ARIH2: variants seen among roughly 807,000 people sequenced by gnomAD.
ARIH2 encodes ariadne RBR E3 ubiquitin protein ligase 2.
ARIH2 carries 12 observed loss-of-function variants against 79.8 expected under a neutral mutation model. The ratio of observed to expected loss-of-function variants is 0.15; its 90% CI spans 0.10 to 0.24. The LOEUF is 0.24. Ranked by LOEUF, ARIH2 falls within the 10% of genes least tolerant of loss-of-function variation. The probability of loss-of-function intolerance (pLI) is 1.00; values close to 1 mark genes in which losing one functional copy is unlikely to be tolerated. For synonymous variants in ARIH2, 224 were observed against 213.9 expected, an observed-to-expected ratio of 1.05 and a Z score of -0.41; for missense variants, 301 against 618.3, an observed-to-expected ratio of 0.49 and a Z score of 5.44.
In ARIH2 at chr3:48,953,221, C is replaced by T. The variant is rs1027331827; in HGVS notation, c.256-8391C>T. Among the ~76,000 whole-genome samples the T allele has an allele frequency of 2.6e-5, 4 of 152,124 alleles. No homozygotes were observed. The East Asian group carries it at 7.7e-4, about 29-fold the overall frequency. On this transcript the variant is annotated intron_variant, in intron 3 of 15. Transcript: ENST00000356401. ...CTGGCATTACAGGTGTAAGCCACCG[C>T]GCCTGGCCAGCAATTCTGAGTAGAT...
intron 3 of ARIH2, among the ~76,000 whole-genome samples, chr3:48,938,543 T>G (rs1214633896): frequency 2.6e-5 from 4 of 151,620 alleles, no homozygotes; most frequent in African/African-American, 7.3e-5. Context: ...TTCTAGAAAA[T>G]GCAAACTAAT....
intron 3 of ARIH2, among the ~76,000 whole-genome samples, chr3:48,941,926 C>T (rs1289009500): frequency 6.6e-6 from 1 of 151,770 alleles, no homozygotes; most frequent in Non-Finnish European, 1.5e-5. Flanking sequence ...CATTCTGTCA[C>T]CCAGGCTAGA....
Position 48,918,943 on chromosome 3 carries a change from C to A in ARIH2, c.-217C>A, listed in dbSNP as rs767060066. On this transcript the variant is annotated 5_prime_UTR_variant, in exon 1 of 16. Transcript: ENST00000356401. Reference sequence around the variant, plus strand: ...TCGCCCCAATCCGGTCCCTCTGGCCCGGCCTGACCCGGTCTGGCTTGTTCG... The same window carrying A: ...TCGCCCCAATCCGGTCCCTCTGGCCAGGCCTGACCCGGTCTGGCTTGTTCG... The A allele has an allele frequency of 1.9e-6, 3 of 1,560,836 alleles. No homozygotes were observed. Among genetic ancestry groups the A allele is most frequent in the East Asian group, 4.5e-5 (2 of 43,992 alleles).
At chr3:48,926,876 C>T (rs2085694057) in intron 2 of ARIH2, 3 of 152,586 alleles carry the variant, frequency 2.0e-5, no homozygotes, top group Admixed American at 2.0e-4. Context: ...CCTGAAAAAT[C>T]AGTCAACTTT....
chr3:48,920,495 T>TC (rs1189936499), intron 1 of ARIH2, among the ~76,000 whole-genome samples: 680 of 59,346 alleles, frequency 0.011, 179 homozygotes, highest in African/African-American at 0.042. Flanking sequence ...GCAATTTCTT[T>TC]TTTTTTTTTT....
intron 7 of ARIH2, among the ~76,000 whole-genome samples, chr3:48,970,191 C>CTTGT (rs10675648): frequency 4.8e-4 from 73 of 151,646 alleles, no homozygotes; most frequent in African/African-American, 1.7e-3. Flanking sequence ...CGCGCCCGGC[C>CTTGT]TTGTTATTTT....
chr3:48,965,406 C>T (rs1236440267), intron 5 of ARIH2, among the ~76,000 whole-genome samples: 2 of 152,078 alleles, frequency 1.3e-5, no homozygotes, highest in African/African-American at 4.8e-5. Flanking sequence ...TCAACATGCC[C>T]ACAATATTTG....
chr3:48,968,514 A>G lies in ARIH2; in HGVS notation c.539-20A>G. On this transcript the variant is annotated intron_variant, in intron 6 of 15. Transcript: ENST00000356401. ...ATGAGCTATCGCACCTGGCCCCATC[A>G]GGTTGTTTTTGTTCAACAGGAGTCT... 4 of 1,602,504 alleles carry G rather than the reference A, an allele frequency of 2.5e-6. No homozygotes were observed. Among genetic ancestry groups the G allele is most frequent in the Non-Finnish European group, 3.4e-6 (4 of 1,172,242 alleles).
intron 3 of ARIH2, among the ~76,000 whole-genome samples, chr3:48,941,755 G>T (rs1258353274): frequency 6.6e-6 from 1 of 151,570 alleles, no homozygotes; most frequent in Non-Finnish European, 1.5e-5. Context: ...ACCACGCCCG[G>T]CTAATTTTTT....
In ARIH2 at chr3:48,950,942, TTTC is replaced by T. The variant is rs200099719; in HGVS notation, c.256-10661_256-10659del. Among the ~76,000 whole-genome samples the T allele has an allele frequency of 9.8e-3, 1,477 of 151,372 alleles. 22 individuals are homozygous for T. Among genetic ancestry groups the T allele is most frequent in the African/African-American group, 0.034 (1,393 of 41,156 alleles). On this transcript the variant is annotated intron_variant, in intron 3 of 15. Transcript: ENST00000356401. Reference sequence around the variant, plus strand: ...TTGTATATATTGACTTTGTATTTTCTTTCTTCTTCTTTTTTTTTTTTTTTTTAA... The same window carrying T: ...TTGTATATATTGACTTTGTATTTTCTTTCTTCTTTTTTTTTTTTTTTTTAA...
intron 1 of ARIH2, among the ~76,000 whole-genome samples, chr3:48,920,708 C>G (rs1393126078): frequency 1.4e-5 from 1 of 70,092 alleles, no homozygotes; most frequent in African/African-American, 4.5e-5. Context: ...CTCAAATAAT[C>G]CTCCTCACTT....
intron 2 of ARIH2, among the ~76,000 whole-genome samples, chr3:48,924,319 CTTTTT>C (rs928407059): frequency 1.4e-5 from 2 of 145,940 alleles, no homozygotes; most frequent in African/African-American, 5.0e-5. Context: ...GTACGTGGGC[CTTTTT>C]TTTTTAAGTA....
chr3:48,969,246 A>G (rs944919540), intron 7 of ARIH2, among the ~76,000 whole-genome samples: 3 of 149,992 alleles, frequency 2.0e-5, no homozygotes, highest in Non-Finnish European at 4.4e-5. Context: ...CCCACCTTAT[A>G]CATAGTTGCT....
At chr3:48,966,262 T>C (rs572610986) in intron 5 of ARIH2, among the ~76,000 whole-genome samples, 4 of 152,318 alleles carry the variant, frequency 2.6e-5, no homozygotes, top group Non-Finnish European at 4.4e-5. Context: ...AAGACAAAGG[T>C]TTCCAGAAGC....
At chr3:48,981,088 G>A (rs1040140291) in intron 13 of ARIH2, among the ~76,000 whole-genome samples, 2 of 148,928 alleles carry the variant, frequency 1.3e-5, no homozygotes, top group African/African-American at 2.5e-5. Flanking sequence ...CCAGCACTTC[G>A]GAAGGCCAAG....
chr3:48,971,464 C>G (rs1228881579), intron 8 of ARIH2, among the ~76,000 whole-genome samples: 7 of 152,156 alleles, frequency 4.6e-5, no homozygotes. Flanking sequence ...AGGCTGGTCT[C>G]AAACTCCTGA....
At chr3:48,974,727 A>G in intron 9 of ARIH2, 90 bp from the exon 10 acceptor site, 3 of 1,380,338 alleles carry the variant, frequency 2.2e-6, no homozygotes, top group Non-Finnish European at 3.1e-6. Context: ...ACCATGAGCA[A>G]CTGGGCACAG....
At chr3:48,941,682 T>C (rs1488981757) in intron 3 of ARIH2, among the ~76,000 whole-genome samples, 1 of 143,452 alleles carries the variant, frequency 7.0e-6, no homozygotes, top group Non-Finnish European at 1.5e-5. Context: ...AAGCTCCACC[T>C]CCCGGGTTCA....
intron 3 of ARIH2, among the ~76,000 whole-genome samples, chr3:48,929,027 C>A (rs1009299768): frequency 6.6e-6 from 1 of 152,202 alleles, no homozygotes; most frequent in African/African-American, 2.4e-5. Context: ...TTCTCTTCCT[C>A]ACCATGCACA....
Sources: allele counts gnomAD v4.1 joint callset (sites outside exome capture counted in the v4.1 genomes callset), GRCh38; gene constraint gnomAD v4.1.1; transcripts MANE v1.5; gene names NCBI Gene and HGNC (gene_info 2026-07-23, HGNC 2026-07-21).